PARD3: variants seen among roughly 807,000 people sequenced by gnomAD.
PARD3 encodes the protein partitioning defective 3 homolog.
In PARD3, 75 loss-of-function variants were observed where a neutral mutation model predicts 155.4. The ratio of observed to expected loss-of-function variants is 0.48; its 90% CI spans 0.40 to 0.58. The LOEUF is 0.58. Ranked by LOEUF, PARD3 falls within the 20% of genes least tolerant of loss-of-function variation. The pLI, the probability that PARD3 is intolerant of heterozygous loss-of-function variation, is 0.00. For missense variants in PARD3, 1,642 were observed against 1,721.7 expected (o/e 0.95, Z 0.82); for synonymous variants, 576 against 610.5 (o/e 0.94, Z 0.83).
At chr10:34,230,115 G>A (rs1465852886) in intron 22 of PARD3, among the ~76,000 whole-genome samples, 1 of 152,128 alleles carries the variant, frequency 6.6e-6, no homozygotes, top group East Asian at 1.9e-4. Flanking sequence ...GCCCTGAGCT[G>A]AGGAAACAAT....
intron 21 of PARD3, among the ~76,000 whole-genome samples, chr10:34,278,616 T>C (rs1002960903): frequency 2.0e-5 from 3 of 152,040 alleles, no homozygotes; most frequent in Non-Finnish European, 2.9e-5. Flanking sequence ...CATCCCCCTT[T>C]GCTGGGCTCT....
intron 22 of PARD3, among the ~76,000 whole-genome samples, chr10:34,140,652 A>G (rs1948139940): frequency 6.6e-6 from 1 of 152,238 alleles, no homozygotes; most frequent in South Asian, 2.1e-4. Context: ...CAAGAAATGT[A>G]TCAATTATCA....
At chr10:34,615,474 G>A (rs2091190195) in intron 2 of PARD3, among the ~76,000 whole-genome samples, 1 of 152,128 alleles carries the variant, frequency 6.6e-6, no homozygotes, top group South Asian at 2.1e-4. Context: ...ATGGATTAAA[G>A]ACTTAAATGT....
At chr10:34,414,946 TG>T (rs1313068519) in intron 5 of PARD3, among the ~76,000 whole-genome samples, 1 of 151,904 alleles carries the variant, frequency 6.6e-6, no homozygotes, top group East Asian at 1.9e-4. Context: ...GGAATGGGGG[TG>T]GGCAGACCAG....
intron 1 of PARD3, among the ~76,000 whole-genome samples, chr10:34,753,738 A>T (rs1836346726): frequency 6.6e-6 from 1 of 152,210 alleles, no homozygotes; most frequent in Non-Finnish European, 1.5e-5. Flanking sequence ...ATCTTCTTGT[A>T]TCTCTAGACC....
At chr10:34,604,563 CCTTT>C (rs1346081089) in intron 2 of PARD3, among the ~76,000 whole-genome samples, 1 of 147,470 alleles carries the variant, frequency 6.8e-6, no homozygotes, top group Admixed American at 6.8e-5. Flanking sequence ...AATAAACTCT[CCTTT>C]ATTTATATAT....
intron 16 of PARD3, among the ~76,000 whole-genome samples, chr10:34,338,575 G>T (rs1283023546): frequency 6.6e-6 from 1 of 152,146 alleles, no homozygotes; most frequent in Admixed American, 6.5e-5. Flanking sequence ...GTTTCTGATG[G>T]AAGCAAGCTT....
intron 19 of PARD3, among the ~76,000 whole-genome samples, chr10:34,328,118 C>T (rs16935322): frequency 0.062 from 9,388 of 152,248 alleles, 948 homozygotes; most frequent in African/African-American, 0.21. Flanking sequence ...TGTAAGCTGA[C>T]AGCCACCAGC....
chr10:34,477,652 T>C (rs1377172881), intron 3 of PARD3, among the ~76,000 whole-genome samples: 1 of 152,228 alleles, frequency 6.6e-6, no homozygotes, highest in African/African-American at 2.4e-5. Context: ...TCCCACCCTT[T>C]CTTCTCATCA....
At chr10:34,607,630 GA>G (rs1219278075) in intron 2 of PARD3, among the ~76,000 whole-genome samples, 3 of 152,188 alleles carry the variant, frequency 2.0e-5, no homozygotes, top group Non-Finnish European at 4.4e-5. Context: ...TAAAAGGCAG[GA>G]AAAGGTAAGT....
intron 22 of PARD3, among the ~76,000 whole-genome samples, chr10:34,138,801 CA>C (rs1449908594): frequency 6.6e-6 from 1 of 151,956 alleles, no homozygotes; most frequent in African/African-American, 2.4e-5. Flanking sequence ...GGCCTATGTA[CA>C]AAATTCTATT....
At chr10:34,413,894 T>C (rs978275327) in intron 5 of PARD3, among the ~76,000 whole-genome samples, 35 of 152,152 alleles carry the variant, frequency 2.3e-4, no homozygotes, top group African/African-American at 5.1e-4. Context: ...AGTAATAACA[T>C]TGCAAATGTC....
At chr10:34,440,128 T>A (rs1427844858) in intron 5 of PARD3, among the ~76,000 whole-genome samples, 1 of 152,112 alleles carries the variant, frequency 6.6e-6, no homozygotes, top group African/African-American at 2.4e-5. Flanking sequence ...AGAAATAGAT[T>A]AAATAGCTAG....
intron 22 of PARD3, among the ~76,000 whole-genome samples, chr10:34,162,290 T>A (rs939500023): frequency 6.6e-6 from 1 of 152,174 alleles, no homozygotes; most frequent in South Asian, 2.1e-4. Context: ...CTTGGATATA[T>A]AGAAGCCCTC....
chr10:34,244,383 A>G (rs994808580), intron 22 of PARD3, among the ~76,000 whole-genome samples: 2 of 152,230 alleles, frequency 1.3e-5, no homozygotes, highest in Admixed American at 1.3e-4. Context: ...TCTTGCCTGA[A>G]TAACGGCCCA....
intron 2 of PARD3, among the ~76,000 whole-genome samples, chr10:34,614,785 A>G (rs1250728065): frequency 6.6e-6 from 1 of 152,204 alleles, no homozygotes; most frequent in Admixed American, 6.5e-5. Context: ...ATGGAAAAAA[A>G]ATCCTAAAAT....
At chr10:34,324,238 C>T (rs1019525815) in intron 19 of PARD3, among the ~76,000 whole-genome samples, 6 of 152,130 alleles carry the variant, frequency 3.9e-5, no homozygotes, top group African/African-American at 1.4e-4. Context: ...AATCAGAATG[C>T]CTGCTTCCCA....
chr10:34,554,548 T>C (rs1278494938), intron 2 of PARD3, among the ~76,000 whole-genome samples: 1 of 152,152 alleles, frequency 6.6e-6, no homozygotes, highest in Non-Finnish European at 1.5e-5. Context: ...TCTTAAGTAA[T>C]TTAAAAGGGA....
chr10:34,513,098 A>T (rs2081496090), intron 3 of PARD3, among the ~76,000 whole-genome samples: 1 of 152,212 alleles, frequency 6.6e-6, no homozygotes, highest in Non-Finnish European at 1.5e-5. Context: ...TAAAATTAAA[A>T]TTTATTAAGT....
Sources: allele counts gnomAD v4.1 joint callset (sites outside exome capture counted in the v4.1 genomes callset), GRCh38; gene constraint gnomAD v4.1.1; transcripts MANE v1.5; gene names NCBI Gene and HGNC (gene_info 2026-07-23, HGNC 2026-07-21).